The following LRRC4C variants were observed in gnomAD, a reference collection of about 807,000 sequenced individuals.
The protein encoded by LRRC4C is leucine rich repeat containing 4C.
A neutral mutation model predicts 33.6 loss-of-function variants in LRRC4C; 5 were observed. The observed-to-expected ratio is 0.15, with a 90% CI of 0.08 to 0.31. LRRC4C has a LOEUF of 0.31. LRRC4C is among the 10% of genes least tolerant of loss of function. The probability of loss-of-function intolerance (pLI) is 1.00; values close to 1 mark genes in which losing one functional copy is unlikely to be tolerated. For synonymous variants in LRRC4C, 329 were observed against 302.0 expected (o/e 1.09, Z -0.93); for missense variants, 560 against 796.7 (o/e 0.70, Z 3.58).
chr11:40,462,969 C>T (rs1429253610), intron 3 of LRRC4C, among the ~76,000 whole-genome samples: 2 of 128,170 alleles, frequency 1.6e-5, no homozygotes, highest in African/African-American at 5.9e-5. Context: ...TCATACTTAT[C>T]CCAGATCATC....
chr11:40,928,271 T>C (rs1955048220), intron 2 of LRRC4C, among the ~76,000 whole-genome samples: 1 of 150,564 alleles, frequency 6.6e-6, no homozygotes, highest in Non-Finnish European at 1.5e-5. Flanking sequence ...TTTATAAATA[T>C]ATATTTCTAA....
At chr11:40,531,118 T>C (rs1956253967) in intron 3 of LRRC4C, among the ~76,000 whole-genome samples, 1 of 152,134 alleles carries the variant, frequency 6.6e-6, no homozygotes, top group Non-Finnish European at 1.5e-5. Context: ...TACCCTTCTT[T>C]CATGTGCTAC....
chr11:41,205,566 A>G (rs1946567748), intron 1 of LRRC4C, among the ~76,000 whole-genome samples: 3 of 152,206 alleles, frequency 2.0e-5, no homozygotes, highest in Admixed American at 2.0e-4. Flanking sequence ...AAACTTGGAC[A>G]AACGTGGCTC....
intron 3 of LRRC4C, among the ~76,000 whole-genome samples, chr11:40,483,948 C>T (rs186476928): frequency 1.4e-4 from 21 of 151,870 alleles, no homozygotes; most frequent in Admixed American, 2.0e-4. Flanking sequence ...ACAAATGTCC[C>T]CCAAATGTAT....
intron 1 of LRRC4C, among the ~76,000 whole-genome samples, chr11:41,240,674 AC>A (rs1458351007): frequency 2.0e-5 from 3 of 152,140 alleles, no homozygotes; most frequent in African/African-American, 4.8e-5. Context: ...GTCATGAAGG[AC>A]CTACATGGGG....
chr11:40,963,821 GTT>G (rs1295532506), intron 1 of LRRC4C, among the ~76,000 whole-genome samples: 2 of 151,768 alleles, frequency 1.3e-5, no homozygotes, highest in Non-Finnish European at 2.9e-5. Flanking sequence ...CGATTTAAGT[GTT>G]TGACCTTATT....
chr11:41,185,566 G>T (rs2136181806), intron 1 of LRRC4C, among the ~76,000 whole-genome samples: 1 of 152,274 alleles, frequency 6.6e-6, no homozygotes, highest in South Asian at 2.1e-4. Flanking sequence ...GCGGTCAACT[G>T]AGAGGGATTT....
intron 3 of LRRC4C, among the ~76,000 whole-genome samples, chr11:40,540,500 A>G (rs1956662893): frequency 6.6e-6 from 1 of 152,098 alleles, no homozygotes; most frequent in South Asian, 2.1e-4. Flanking sequence ...CTGACCAAAT[A>G]TTTTATAAAT....
chr11:40,850,733 G>A (rs770163855), intron 2 of LRRC4C, among the ~76,000 whole-genome samples: 13 of 152,182 alleles, frequency 8.5e-5, no homozygotes, highest in South Asian at 8.3e-4. Flanking sequence ...ACCCACAGCC[G>A]CCCCTTCCCC....
intron 1 of LRRC4C, among the ~76,000 whole-genome samples, chr11:40,946,411 T>C (rs910548563): frequency 6.6e-6 from 1 of 152,184 alleles, no homozygotes; most frequent in African/African-American, 2.4e-5. Context: ...TGTATGTATC[T>C]TTTTAGTAGA....
At chr11:40,484,246 G>A (rs548532205) in intron 3 of LRRC4C, among the ~76,000 whole-genome samples, 2 of 152,012 alleles carry the variant, frequency 1.3e-5, no homozygotes, top group South Asian at 4.2e-4. Context: ...AATGTAAAAT[G>A]GTATACAGTT....
intron 1 of LRRC4C, among the ~76,000 whole-genome samples, chr11:41,281,201 T>G (rs1949669123): frequency 6.6e-6 from 1 of 151,816 alleles, no homozygotes; most frequent in Non-Finnish European, 1.5e-5. Flanking sequence ...AGTGCTATGC[T>G]GGAGAGCATT....
chr11:40,896,648 CAT>C (rs1482013263), intron 2 of LRRC4C, among the ~76,000 whole-genome samples: 11 of 151,508 alleles, frequency 7.3e-5, no homozygotes, highest in African/African-American at 2.7e-4. Flanking sequence ...AGAGTAAAAT[CAT>C]ATGTGTGTAC....
chr11:40,498,405 TAGTTGAA>T (rs1281117269), intron 3 of LRRC4C, among the ~76,000 whole-genome samples: 1 of 152,218 alleles, frequency 6.6e-6, no homozygotes, highest in African/African-American at 2.4e-5. Context: ...TTGGGAAGTT[TAGTTGAA>T]CTTCGTGTAA....
At chr11:40,803,318 G>T (rs1427320720) in intron 2 of LRRC4C, among the ~76,000 whole-genome samples, 1 of 152,164 alleles carries the variant, frequency 6.6e-6, no homozygotes, top group Non-Finnish European at 1.5e-5. Context: ...GAGGACCAGG[G>T]TTTACAAACC....
At chr11:40,766,532 A>G (rs1949473766) in intron 2 of LRRC4C, among the ~76,000 whole-genome samples, 1 of 151,888 alleles carries the variant, frequency 6.6e-6, no homozygotes, top group African/African-American at 2.4e-5. Flanking sequence ...ACTGATGAAA[A>G]AAATAACTAT....
intron 1 of LRRC4C, among the ~76,000 whole-genome samples, chr11:41,290,505 G>A (rs536621762): frequency 3.3e-5 from 5 of 152,216 alleles, no homozygotes; most frequent in South Asian, 2.1e-4. Context: ...ATTGACAATC[G>A]TTGTGCTTGC....
chr11:40,912,284 G>C (rs1202411619), intron 2 of LRRC4C, among the ~76,000 whole-genome samples: 1 of 152,032 alleles, frequency 6.6e-6, no homozygotes, highest in African/African-American at 2.4e-5. Flanking sequence ...AAATGTTAAG[G>C]GCAGCCAGAG....
At chr11:40,320,578 T>C (rs1590305995) in intron 3 of LRRC4C, among the ~76,000 whole-genome samples, 1 of 152,108 alleles carries the variant, frequency 6.6e-6, no homozygotes, top group Non-Finnish European at 1.5e-5. Context: ...TGATATAGCA[T>C]CACAGAAAAT....
Sources: allele counts gnomAD v4.1 joint callset (sites outside exome capture counted in the v4.1 genomes callset), GRCh38; gene constraint gnomAD v4.1.1; transcripts MANE v1.5; gene names NCBI Gene and HGNC (gene_info 2026-07-23, HGNC 2026-07-21).